ANGPT1: variants seen among roughly 807,000 people sequenced by gnomAD.
ANGPT1 encodes the protein angiopoietin 1.
In ANGPT1, 17 loss-of-function variants were observed where a neutral mutation model predicts 62.2. The ratio of observed to expected loss-of-function variants is 0.27; its 90% confidence interval spans 0.19 to 0.41. The LOEUF is 0.41. Ranked by LOEUF, ANGPT1 falls within the 10% of genes least tolerant of loss-of-function variation. The pLI is 1.00. For missense variants in ANGPT1, 478 were observed against 594.9 expected (o/e 0.80, Z 2.04); for synonymous variants, 199 against 198.9 (o/e 1.00, Z 0.00).
intron 1 of ANGPT1, among the ~76,000 whole-genome samples, chr8:107,394,787 A>G (rs1314789521): frequency 2.0e-5 from 3 of 152,092 alleles, no homozygotes; most frequent in African/African-American, 7.2e-5. Flanking sequence ...TTATATTTAT[A>G]TTGGATTACA....
At chr8:107,457,699 T>C (rs572570157) in intron 1 of ANGPT1, among the ~76,000 whole-genome samples, 1 of 152,168 alleles carries the variant, frequency 6.6e-6, no homozygotes, top group African/African-American at 2.4e-5. Flanking sequence ...ATTATTAATA[T>C]TTGGATAAGG....
chr8:107,281,248 G>A (rs1224082146), intron 7 of ANGPT1, among the ~76,000 whole-genome samples: 1 of 151,852 alleles, frequency 6.6e-6, no homozygotes, highest in Non-Finnish European at 1.5e-5. Flanking sequence ...TAAACATTAG[G>A]ACCACACCTG....
intron 1 of ANGPT1, among the ~76,000 whole-genome samples, chr8:107,363,056 T>C (rs184267395): frequency 9.7e-4 from 146 of 150,710 alleles, no homozygotes; most frequent in African/African-American, 3.5e-3. Context: ...TATGGAGAGC[T>C]CCCAGAATGT....
At chr8:107,310,932 TGTGA>T (rs1277683984) in intron 4 of ANGPT1, among the ~76,000 whole-genome samples, 3 of 127,826 alleles carry the variant, frequency 2.3e-5, no homozygotes, top group African/African-American at 5.3e-5. Flanking sequence ...TATGTGTTAG[TGTGA>T]GTGTGTGTGT....
At chr8:107,266,538 C>T (rs1156776936) in intron 7 of ANGPT1, among the ~76,000 whole-genome samples, 5 of 152,178 alleles carry the variant, frequency 3.3e-5, no homozygotes, top group East Asian at 3.9e-4. Flanking sequence ...TAAGTAGCTA[C>T]GTCTCTCCTA....
At chr8:107,343,288 T>G (rs1815735211) in intron 2 of ANGPT1, among the ~76,000 whole-genome samples, 1 of 150,600 alleles carries the variant, frequency 6.6e-6, no homozygotes. Context: ...CCAGAGGAGG[T>G]TTGGAGAGGC....
At chr8:107,379,643 G>T (rs553284493) in intron 1 of ANGPT1, among the ~76,000 whole-genome samples, 6 of 151,928 alleles carry the variant, frequency 3.9e-5, no homozygotes, top group African/African-American at 1.2e-4. Flanking sequence ...CCACACAAAC[G>T]GGATCATGGC....
At chr8:107,316,780 C>A (rs1261374689) in intron 4 of ANGPT1, among the ~76,000 whole-genome samples, 1 of 152,138 alleles carries the variant, frequency 6.6e-6, no homozygotes, top group Admixed American at 6.6e-5. Flanking sequence ...AATAAACATG[C>A]CGTTTGTACT....
At chr8:107,475,949 G>A (rs1812514074) in intron 1 of ANGPT1, among the ~76,000 whole-genome samples, 1 of 152,200 alleles carries the variant, frequency 6.6e-6, no homozygotes, top group South Asian at 2.1e-4. Flanking sequence ...GTGCTGGAGA[G>A]GATGTGGAGA....
rs779986060 is a variant in ANGPT1 at position 107,252,035 on chromosome 8, TAGA to T, written c.1337-23_1337-21del. The stretch of plus-strand genomic sequence containing the variant: ...ACCATCCTGAAAAAATAATTCATAA[TAGA>T]AGAGAGAAGGAGAGGCAACAATTTT... On this transcript the variant is annotated intron_variant, in intron 8 of 8. Transcript: ENST00000517746. 4 of 1,605,876 alleles carry T rather than the reference TAGA, an allele frequency of 2.5e-6. No homozygotes were observed. The South Asian group carries it at 4.5e-5, about 18-fold the overall frequency.
chr8:107,413,324 G>C (rs959762945), intron 1 of ANGPT1, among the ~76,000 whole-genome samples: 1 of 152,060 alleles, frequency 6.6e-6, no homozygotes, highest in African/African-American at 2.4e-5. Flanking sequence ...AGGCAGACCT[G>C]CTCCCTCTGC....
intron 1 of ANGPT1, among the ~76,000 whole-genome samples, chr8:107,475,226 C>T (rs1390175432): frequency 1.3e-5 from 2 of 152,106 alleles, no homozygotes; most frequent in Non-Finnish European, 2.9e-5. Context: ...GGTACTGGTA[C>T]CAAAACAGAG....
intron 1 of ANGPT1, among the ~76,000 whole-genome samples, chr8:107,436,318 T>A (rs917530883): frequency 9.9e-5 from 15 of 152,212 alleles, no homozygotes; most frequent in African/African-American, 3.4e-4. Flanking sequence ...GTCAACACTA[T>A]GCTAGACTAT....
chr8:107,384,822 T>C (rs944491156), intron 1 of ANGPT1, among the ~76,000 whole-genome samples: 7 of 152,160 alleles, frequency 4.6e-5, no homozygotes, highest in African/African-American at 1.7e-4. Context: ...GGGTCTAGTT[T>C]CAATCTTCTA....
intron 4 of ANGPT1, among the ~76,000 whole-genome samples, chr8:107,313,443 T>TTTTG (rs1563564095): frequency 2.3e-5 from 3 of 127,682 alleles, no homozygotes; most frequent in Admixed American, 8.2e-5. Flanking sequence ...TTTTTTTTTT[T>TTTTG]TTTTTTTTTT....
At chr8:107,317,394 C>G (rs940264702) in intron 4 of ANGPT1, among the ~76,000 whole-genome samples, 1 of 152,212 alleles carries the variant, frequency 6.6e-6, no homozygotes, top group African/African-American at 2.4e-5. Flanking sequence ...CATCCTGCTA[C>G]AGCAGAAATG....
intron 4 of ANGPT1, among the ~76,000 whole-genome samples, chr8:107,316,502 G>C (rs1586216814): frequency 6.6e-6 from 1 of 152,170 alleles, no homozygotes; most frequent in Admixed American, 6.5e-5. Flanking sequence ...AGACTGGCTT[G>C]TGTCAAGTAT....
At chr8:107,402,825 T>G (rs1361458144) in intron 1 of ANGPT1, among the ~76,000 whole-genome samples, 1 of 152,204 alleles carries the variant, frequency 6.6e-6, no homozygotes, top group Non-Finnish European at 1.5e-5. Context: ...TAATTTATAT[T>G]TAAAGTTATT....
intron 4 of ANGPT1, among the ~76,000 whole-genome samples, chr8:107,313,506 C>T (rs1304210771): frequency 8.3e-6 from 1 of 120,892 alleles, no homozygotes. Context: ...GCGGCGCAAT[C>T]TCAACTCACT....
Sources: allele counts gnomAD v4.1 joint callset (sites outside exome capture counted in the v4.1 genomes callset), GRCh38; gene constraint gnomAD v4.1.1; transcripts MANE v1.5; gene names NCBI Gene and HGNC (gene_info 2026-07-23, HGNC 2026-07-21).